The following AP4S1 variants were observed in gnomAD, a reference collection of about 807,000 sequenced individuals.
AP4S1 encodes AP-4 complex subunit sigma-1.
A neutral mutation model predicts 19.8 loss-of-function variants in AP4S1; 23 were observed. The observed-to-expected ratio is 1.16, with a 90% CI of 0.84 to 1.65. The LOEUF is 1.65. Ranked by LOEUF, AP4S1 falls within the 40% of genes most tolerant of loss-of-function variation. The pLI is 0.00. For synonymous variants in AP4S1, 46 were observed against 54.1 expected (o/e 0.85, Z 0.66); for missense variants, 166 against 172.8 (o/e 0.96, Z 0.22).
chr14:31,026,908 TC>T (rs930518728), intron 1 of AP4S1: 4 of 152,298 alleles, frequency 2.6e-5, no homozygotes, highest in African/African-American at 9.7e-5. Flanking sequence ...CTCTTTCCCT[TC>T]CTGTCACTCG....
intron 3 of AP4S1, among the ~76,000 whole-genome samples, chr14:31,072,562 A>T (rs188056173): frequency 2.4e-4 from 36 of 151,606 alleles, no homozygotes; most frequent in Admixed American, 6.6e-4. Context: ...ATGGAGACAG[A>T]GTCTCACTAT....
intron 5 of AP4S1, 180 bp downstream of exon 5, chr14:31,080,764 C>A: frequency 2.4e-6 from 2 of 828,310 alleles, no homozygotes; most frequent in East Asian, 4.9e-5. Flanking sequence ...CTTCGTCACC[C>A]TGCTTCAACA....
intron 1 of AP4S1, among the ~76,000 whole-genome samples, chr14:31,061,074 A>G (rs890158715): frequency 1.3e-5 from 2 of 152,120 alleles, no homozygotes; most frequent in African/African-American, 2.4e-5. Context: ...GTATTTTAGT[A>G]GAGACCGAGT....
intron 1 of AP4S1, among the ~76,000 whole-genome samples, chr14:31,035,955 A>T (rs140594454): frequency 2.0e-5 from 3 of 151,718 alleles, no homozygotes; most frequent in Non-Finnish European, 4.4e-5. Flanking sequence ...TGGTCTCGAT[A>T]TCCTGACCTG....
intron 4 of AP4S1, among the ~76,000 whole-genome samples, chr14:31,079,172 T>A (rs1887509041): frequency 6.6e-6 from 1 of 152,236 alleles, no homozygotes; most frequent in Non-Finnish European, 1.5e-5. Flanking sequence ...TTGACAACCC[T>A]TAAGTCCTTT....
intron 1 of AP4S1, among the ~76,000 whole-genome samples, chr14:31,062,946 G>C (rs1594675511): frequency 6.6e-6 from 1 of 150,812 alleles, no homozygotes. Context: ...CAGCCTGGGG[G>C]ACAGAGCACG....
intron 1 of AP4S1, among the ~76,000 whole-genome samples, chr14:31,030,642 C>G (rs2139404995): frequency 6.6e-6 from 1 of 152,226 alleles, no homozygotes; most frequent in East Asian, 1.9e-4. Context: ...AGCCACTGAG[C>G]CCAGCCCGTT....
In AP4S1 at chr14:31,093,606, C is replaced by G. The variant is rs1391006822; in HGVS notation, c.*571C>G. 1.3e-5 allele frequency: 2 copies of G among 152,176 alleles called. No homozygotes were observed. Among genetic ancestry groups the G allele is most frequent in the African/African-American group, 4.8e-5 (2 of 41,306 alleles). The allele number at this position is 152,176 out of a possible 1,614,324, so 9.4% of individuals were successfully genotyped here. ...GGACTACAGGCATGCACCACCACAC[C>G]TGGCTAATTTTTGTATTTTTAGTAG... is the stretch of plus-strand genomic sequence containing the variant. On this transcript the variant is annotated 3_prime_UTR_variant, in exon 6 of 6. Transcript: ENST00000542754.
intron 1 of AP4S1, among the ~76,000 whole-genome samples, chr14:31,043,392 G>A (rs1340839748): frequency 6.6e-6 from 1 of 152,140 alleles, no homozygotes; most frequent in Non-Finnish European, 1.5e-5. Flanking sequence ...GATTTTGAGA[G>A]AGAGACTGAG....
intron 3 of AP4S1, among the ~76,000 whole-genome samples, chr14:31,071,538 A>G (rs1485210243): frequency 1.3e-5 from 2 of 152,128 alleles, no homozygotes; most frequent in East Asian, 3.9e-4. Context: ...CTCCTGCCTC[A>G]GCCTCCTGAG....
rs541804037 is a variant in AP4S1, at chr14:31,066,480, T to G, written c.138+146T>G. 118 of 1,140,046 alleles carry G rather than the reference T, an allele frequency of 1.0e-4. No homozygotes were observed. The African/African-American group carries it at 1.8e-3, about 17-fold the overall frequency. 70.6% of individuals were successfully genotyped at this position (1,140,046 alleles called of 1,614,324 possible). ...AAATAAGTGATGTGAAATGAAAAACTGAAAGAAGCATAGCTCTCTTTACAT... is the reference window on the plus strand; with the variant it reads ...AAATAAGTGATGTGAAATGAAAAACGGAAAGAAGCATAGCTCTCTTTACAT... On this transcript the variant is annotated intron_variant, in intron 2 of 5. Transcript: ENST00000542754.
intron 1 of AP4S1, chr14:31,026,140 C>A: frequency 6.7e-7 from 1 of 1,491,310 alleles, no homozygotes; most frequent in Non-Finnish European, 8.9e-7. Flanking sequence ...CGGGGAGGGG[C>A]CGCCATCCCC....
At chr14:31,049,443 A>G (rs1368866578) in intron 1 of AP4S1, among the ~76,000 whole-genome samples, 1 of 65,066 alleles carries the variant, frequency 1.5e-5, no homozygotes, top group Non-Finnish European at 2.6e-5. Flanking sequence ...ATATATATAT[A>G]TATATATATA....
intron 5 of AP4S1, among the ~76,000 whole-genome samples, chr14:31,088,301 T>C (rs933182594): frequency 1.1e-4 from 17 of 152,318 alleles, no homozygotes; most frequent in African/African-American, 4.1e-4. Flanking sequence ...TGTTCCATTT[T>C]TGTGGGTTCT....
At chr14:31,051,468 C>T (rs1353157816) in intron 1 of AP4S1, among the ~76,000 whole-genome samples, 3 of 152,048 alleles carry the variant, frequency 2.0e-5, no homozygotes, top group African/African-American at 7.2e-5. Flanking sequence ...GTCGAGAGTT[C>T]GAGACCAGCC....
At chr14:31,049,113 T>C (rs1242213183) in intron 1 of AP4S1, among the ~76,000 whole-genome samples, 1 of 151,146 alleles carries the variant, frequency 6.6e-6, no homozygotes, top group East Asian at 2.0e-4. Context: ...AACCCATTTC[T>C]ACAAAAATTA....
chr14:31,073,810 C>T (rs1887196180), intron 4 of AP4S1, among the ~76,000 whole-genome samples: 1 of 150,468 alleles, frequency 6.6e-6, no homozygotes, highest in Admixed American at 6.6e-5. Context: ...TCCCAAAGTG[C>T]TGGGATTACA....
chr14:31,058,114 A>G (rs933757505), intron 1 of AP4S1, among the ~76,000 whole-genome samples: 3 of 151,754 alleles, frequency 2.0e-5, no homozygotes, highest in Admixed American at 1.3e-4. Context: ...TTTTTGTTGT[A>G]GAGGCATGGT....
At chr14:31,080,693 A>C in intron 5 of AP4S1, 109 bp downstream of exon 5, 1 of 1,487,626 alleles carries the variant, frequency 6.7e-7, no homozygotes, top group Non-Finnish European at 9.4e-7. Flanking sequence ...CAGAGTGTTC[A>C]TCACCAACAA....
Sources: allele counts gnomAD v4.1 joint callset (sites outside exome capture counted in the v4.1 genomes callset), GRCh38; gene constraint gnomAD v4.1.1; transcripts MANE v1.5; gene names NCBI Gene and HGNC (gene_info 2026-07-23, HGNC 2026-07-21).